Variants in CADM2 observed in about 807,000 individuals in gnomAD.
CADM2 encodes the protein cell adhesion molecule 2.
Under a neutral mutation model 49.8 loss-of-function variants are expected in CADM2, and 12 were observed. That is an observed-to-expected ratio of 0.24 (90% CI 0.15 to 0.39). CADM2 has a LOEUF of 0.39. CADM2 is among the 10% of genes least tolerant of loss of function. CADM2 has a pLI of 1.00. For missense variants in CADM2, 378 were observed against 492.3 expected, an observed-to-expected ratio of 0.77 and a Z score of 2.20; for synonymous variants, 214 against 175.4, an observed-to-expected ratio of 1.22 and a Z score of -1.74.
At position 85,439,535 on chromosome 3, in the gene CADM2, T is replaced by C. The variant is rs141980931; in HGVS notation, c.62-286987T>C. Among the ~76,000 whole-genome samples the C allele has an allele frequency of 3.3e-5, 5 of 152,304 alleles. No homozygotes were observed. The East Asian group carries it at 7.7e-4, about 24-fold the overall frequency. On this transcript the variant is annotated intron_variant, in intron 1 of 9. Coordinates refer to ENST00000383699, the MANE Select transcript of CADM2 (RefSeq NM_001167675.2). The stretch of plus-strand genomic sequence containing the variant: ...AAGTTGCAAACAAATTCTTCTATTT[T>C]TTTGTTTCATAAATTTTCTATGTAA...
chr3:85,408,360 G>A (rs1309954766), intron 1 of CADM2, among the ~76,000 whole-genome samples: 1 of 152,150 alleles, frequency 6.6e-6, no homozygotes, highest in African/African-American at 2.4e-5. Context: ...ATAAAAGCCA[G>A]GTAGGTAATA....
At chr3:85,747,415 TA>T (rs1340301192) in intron 2 of CADM2, among the ~76,000 whole-genome samples, 13 of 152,170 alleles carry the variant, frequency 8.5e-5, no homozygotes, top group Non-Finnish European at 2.9e-5. Flanking sequence ...TATGTTTGTA[TA>T]TTAATATAAA....
At chr3:86,056,658 G>A (rs1559829407) in intron 8 of CADM2, among the ~76,000 whole-genome samples, 1 of 151,438 alleles carries the variant, frequency 6.6e-6, no homozygotes, top group Non-Finnish European at 1.5e-5. Flanking sequence ...GTTTCCTTCT[G>A]CACTCCTGAT....
At chr3:84,969,104 A>C (rs1210737614) in intron 1 of CADM2, among the ~76,000 whole-genome samples, 2 of 151,934 alleles carry the variant, frequency 1.3e-5, no homozygotes, top group Non-Finnish European at 2.9e-5. Flanking sequence ...CTTATATTAC[A>C]TGAGTATGAG....
chr3:85,041,920 CT>C (rs2035459360), intron 1 of CADM2, among the ~76,000 whole-genome samples: 1 of 152,108 alleles, frequency 6.6e-6, no homozygotes, highest in African/African-American at 2.4e-5. Context: ...TGTCACTTTG[CT>C]TATTTTCTGC....
chr3:85,503,411 T>C (rs528895988), intron 1 of CADM2, among the ~76,000 whole-genome samples: 1 of 152,316 alleles, frequency 6.6e-6, no homozygotes, highest in South Asian at 2.1e-4. Context: ...ATAATGCATG[T>C]ATAAAGCTAA....
At chr3:85,157,964 A>G (rs2040192484) in intron 1 of CADM2, among the ~76,000 whole-genome samples, 1 of 152,120 alleles carries the variant, frequency 6.6e-6, no homozygotes, top group African/African-American at 2.4e-5. Flanking sequence ...TAATATCCAG[A>G]ATCTACAATG....
At chr3:85,228,986 T>A (rs938008434) in intron 1 of CADM2, among the ~76,000 whole-genome samples, 1 of 152,144 alleles carries the variant, frequency 6.6e-6, no homozygotes, top group African/African-American at 2.4e-5. Context: ...CCTGACTGGG[T>A]CTGCTGCCTT....
intron 1 of CADM2, among the ~76,000 whole-genome samples, chr3:85,335,749 A>G (rs2045063949): frequency 6.6e-6 from 1 of 151,532 alleles, no homozygotes; most frequent in Non-Finnish European, 1.5e-5. Context: ...GCCATAATCT[A>G]TAATTTCTGC....
chr3:85,731,144 ATGACATTTG>A (rs1263787985), intron 2 of CADM2, among the ~76,000 whole-genome samples: 1 of 152,186 alleles, frequency 6.6e-6, no homozygotes. Flanking sequence ...AAGCCAAAAT[ATGACATTTG>A]GAATCCCAGG....
At chr3:85,812,487 G>T (rs986220596) in intron 3 of CADM2, among the ~76,000 whole-genome samples, 1 of 151,754 alleles carries the variant, frequency 6.6e-6, no homozygotes, top group Non-Finnish European at 1.5e-5. Flanking sequence ...CTTTTAATCA[G>T]GATCAGCACA....
At chr3:85,619,180 A>C (rs1445566368) in intron 1 of CADM2, among the ~76,000 whole-genome samples, 5 of 152,172 alleles carry the variant, frequency 3.3e-5, no homozygotes, top group Non-Finnish European at 5.9e-5. Context: ...TTTCTCAGAC[A>C]CCATGCGGAT....
intron 1 of CADM2, among the ~76,000 whole-genome samples, chr3:85,568,575 CTTCT>C (rs1235553719): frequency 3.8e-5 from 5 of 132,072 alleles, no homozygotes; most frequent in South Asian, 2.5e-4. Context: ...TCCTTCCTTC[CTTCT>C]TTCTTTCTTT....
chr3:85,544,867 G>T (rs1029466148), intron 1 of CADM2, among the ~76,000 whole-genome samples: 3 of 151,878 alleles, frequency 2.0e-5, no homozygotes, highest in Non-Finnish European at 2.9e-5. Flanking sequence ...TAGGAAGGAA[G>T]GAAGGAGAGG....
chr3:85,773,825 C>G (rs2070223526), intron 2 of CADM2, among the ~76,000 whole-genome samples: 1 of 151,838 alleles, frequency 6.6e-6, no homozygotes, highest in African/African-American at 2.4e-5. Flanking sequence ...GAAAGTATTA[C>G]TAAATAAATA....
chr3:85,987,035 A>T (rs774387751), intron 8 of CADM2, among the ~76,000 whole-genome samples: 3 of 152,146 alleles, frequency 2.0e-5, no homozygotes, highest in East Asian at 1.9e-4. Context: ...ATAACATATC[A>T]TTGGTTATAT....
At chr3:85,770,086 A>G (rs942816915) in intron 2 of CADM2, among the ~76,000 whole-genome samples, 6 of 152,208 alleles carry the variant, frequency 3.9e-5, no homozygotes, top group Middle Eastern at 3.4e-3. Context: ...TCCTCAGACA[A>G]CTCTACGGGT....
At chr3:86,065,289 TAC>T (rs1016486908) in intron 8 of CADM2, among the ~76,000 whole-genome samples, 1 of 152,210 alleles carries the variant, frequency 6.6e-6, no homozygotes, top group African/African-American at 2.4e-5. Flanking sequence ...TATGCAGACA[TAC>T]ACACACATAT....
chr3:85,601,830 TTG>T (rs2063415615), intron 1 of CADM2, among the ~76,000 whole-genome samples: 1 of 151,810 alleles, frequency 6.6e-6, no homozygotes, highest in Non-Finnish European at 1.5e-5. Flanking sequence ...CTCTTCTTAA[TTG>T]TGTCTGTTTT....
Sources: gnomAD v4.1 joint callset for allele counts (sites outside exome capture counted in the v4.1 genomes callset) on GRCh38, gnomAD v4.1.1 for gene constraint, MANE v1.5 for transcripts, NCBI Gene and HGNC (gene_info 2026-07-23, HGNC 2026-07-21) for gene names.